AGAP3: variants seen among roughly 807,000 people sequenced by gnomAD.
AGAP3 encodes the protein arf-GAP with GTPase, ANK repeat and PH domain-containing protein 3.
In AGAP3, 24 loss-of-function variants were observed where a neutral mutation model predicts 96.9. The observed-to-expected ratio is 0.25, with a 90% CI of 0.18 to 0.35. The LOEUF is 0.35. Among genes scored for constraint, AGAP3 ranks in the 10% least tolerant of loss-of-function variants. The pLI is 1.00. For missense variants in AGAP3, 876 were observed against 1,254.2 expected (o/e 0.70, Z 4.55); for synonymous variants, 563 against 536.1 (o/e 1.05, Z -0.69).
chr7:151,139,726 T>C lies in AGAP3; in HGVS notation c.1667-253T>C. On this transcript the variant is annotated intron_variant, in intron 12 of 17. Transcript: ENST00000397238. The surrounding 1 kb of genome is among the most constrained non-coding windows in gnomAD (Gnocchi z 4.9). The stretch of plus-strand genomic sequence containing the variant: ...ACCCCTCCAGGCTGCAGAGGCAGCT[T>C]CCTCCCTTTGCCTCCATCCTGCTCT... 3.0e-6 allele frequency: 1 copy of C among 332,488 alleles called. No homozygotes were observed. Among genetic ancestry groups the C allele is most frequent in the Non-Finnish European group, 5.4e-6 (1 of 184,342 alleles). The allele number at this position is 332,488 out of a possible 1,614,324, so 20.6% of individuals were successfully genotyped here.
chr7:151,121,526 A>G (rs554092887), intron 8 of AGAP3, among the ~76,000 whole-genome samples: 2 of 152,054 alleles, frequency 1.3e-5, no homozygotes, highest in Non-Finnish European at 2.9e-5. Flanking sequence ...GCTCTGTAGC[A>G]ACCCCAGGGC....
At chr7:151,126,924 C>A (rs913992622) in intron 9 of AGAP3, among the ~76,000 whole-genome samples, 3 of 152,246 alleles carry the variant, frequency 2.0e-5, no homozygotes, top group Non-Finnish European at 4.4e-5. Context: ...CAACTCCCAG[C>A]CCGCATGCTC....
chr7:151,101,287 G>T (rs1230508260), intron 1 of AGAP3, among the ~76,000 whole-genome samples: 1 of 152,236 alleles, frequency 6.6e-6, no homozygotes, highest in Non-Finnish European at 1.5e-5. Flanking sequence ...GAAGCAGCTT[G>T]CAGGGACCCG....
chr7:151,106,908 C>CG (rs1230763815), intron 1 of AGAP3, among the ~76,000 whole-genome samples: 1 of 152,188 alleles, frequency 6.6e-6, no homozygotes, highest in Non-Finnish European at 1.5e-5. Flanking sequence ...GCAGCACCTT[C>CG]GCACGTCTGC....
At chr7:151,126,404 T>C (rs1438649598) in intron 9 of AGAP3, among the ~76,000 whole-genome samples, 1 of 140,838 alleles carries the variant, frequency 7.1e-6, no homozygotes, top group Non-Finnish European at 1.5e-5. Context: ...CCGTGGAGTC[T>C]CCTGCTGAAG....
rs1300617844 is a variant in AGAP3 at position 151,143,171 on chromosome 7, G to A, written c.2274-170G>A. Reference sequence around the variant, plus strand: ...TCCATTACCCACTGCCCCTCTGTGTGCCTGGAGTTTCCAAGGCTTCTCTCC... The same window carrying A: ...TCCATTACCCACTGCCCCTCTGTGTACCTGGAGTTTCCAAGGCTTCTCTCC... On this transcript the variant is annotated intron_variant, in intron 16 of 17. Coordinates refer to ENST00000397238, the MANE Select transcript of AGAP3 (RefSeq NM_031946.7). The surrounding 1 kb of genome is among the most constrained non-coding windows in gnomAD (Gnocchi z 5.9). 2.0e-5 allele frequency among the ~76,000 whole-genome samples: 3 copies of A among 152,016 alleles called. No homozygotes were observed. Among genetic ancestry groups the A allele is most frequent in the Non-Finnish European group, 2.9e-5 (2 of 68,010 alleles).
At chr7:151,116,523 G>T in intron 1 of AGAP3, 1 of 525,524 alleles carries the variant, frequency 1.9e-6, no homozygotes, top group Non-Finnish European at 3.4e-6. Context: ...GGAGCAGGAA[G>T]AGGAGGAAGG....
At chr7:151,123,738 G>A (rs952086040) in intron 8 of AGAP3, 56 bp from the exon 9 acceptor site, 25 of 1,597,654 alleles carry the variant, frequency 1.6e-5, no homozygotes, top group Non-Finnish European at 2.1e-5. Flanking sequence ...AGTCCAGGTG[G>A]GCAGCTCTCG....
At chr7:151,123,389 CTG>C (rs1481870445) in intron 8 of AGAP3, 2 of 1,073,806 alleles carry the variant, frequency 1.9e-6, no homozygotes, top group East Asian at 1.5e-4. Context: ...CGTGTGGTGT[CTG>C]TGCCGCAGAC....
intron 1 of AGAP3, chr7:151,115,481 C>T (rs1308817498): frequency 1.3e-5 from 13 of 1,016,022 alleles, no homozygotes; most frequent in Non-Finnish European, 1.5e-5. Context: ...TGCTGGGCTC[C>T]GACGCCCCGC....
chr7:151,094,697 TAAA>T (rs1464814561), intron 1 of AGAP3, among the ~76,000 whole-genome samples: 1 of 152,174 alleles, frequency 6.6e-6, no homozygotes, highest in African/African-American at 2.4e-5. Context: ...TTTCTTTTTG[TAAA>T]AATGGGGTCT....
Position 151,139,950 on chromosome 7 carries a change from CCA to C in AGAP3, c.1667-25_1667-24del. 1 of 1,496,522 alleles carries C rather than the reference CCA, an allele frequency of 6.7e-7. No homozygotes were observed. Among genetic ancestry groups the C allele is most frequent in the Non-Finnish European group, 8.9e-7 (1 of 1,120,210 alleles). 92.7% of individuals were successfully genotyped at this position (1,496,522 alleles called of 1,614,324 possible). ...CTCCCCTCCTCTGCCTCCCTTCTTC[CCA>C]CACTTCTCCAACTCTCCCCTCACCA... is the stretch of plus-strand genomic sequence containing the variant. On this transcript the variant is annotated intron_variant, in intron 12 of 17. Transcript: ENST00000397238. The surrounding 1 kb of genome is among the most constrained non-coding windows in gnomAD (Gnocchi z 4.9).
intron 1 of AGAP3, among the ~76,000 whole-genome samples, chr7:151,116,156 C>A (rs1005520822): frequency 1.3e-5 from 2 of 152,156 alleles, no homozygotes; most frequent in African/African-American, 4.8e-5. Context: ...AAGGGACTTG[C>A]CAGTCAGGTT....
Position 151,120,108 on chromosome 7 carries a change from T to C in AGAP3, c.1091T>C (p.Ile364Thr), listed in dbSNP as rs1799804954. The change falls in exon 8 of 18, where the codon ATC becomes ACC. Residue 364 changes from isoleucine to threonine, a missense_variant. Physicochemically the swap from Ile to Thr is moderately conservative, Grantham distance 89. Transcript: ENST00000397238. Reference protein sequence around the residue: ...TIAASSTPTPIRKQSKRRSNI... With the variant: ...TIAASSTPTPTRKQSKRRSNI... The stretch of plus-strand genomic sequence containing the variant: ...GCTGCCTCCTCCACCCCCACACCCA[T>C]CCGAAAGCAGTCCAAGCGGCGCTCC... 1 of 1,612,468 alleles carries C rather than the reference T, an allele frequency of 6.2e-7. No homozygotes were observed. The highest frequency in any genetic ancestry group is 8.5e-7 in the Non-Finnish European group (1 of 1,179,390).
At chr7:151,098,273 T>G (rs886636947) in intron 1 of AGAP3, among the ~76,000 whole-genome samples, 1 of 152,126 alleles carries the variant, frequency 6.6e-6, no homozygotes, top group African/African-American at 2.4e-5. Flanking sequence ...GCAGGAGAAT[T>G]GCTTGAACCT....
At chr7:151,122,442 A>G (rs1261362938) in intron 8 of AGAP3, among the ~76,000 whole-genome samples, 4 of 152,176 alleles carry the variant, frequency 2.6e-5, no homozygotes, top group Non-Finnish European at 5.9e-5. Context: ...CGAGTGGCGA[A>G]CATACCATTC....
chr7:151,109,724 A>G (rs554260181), intron 1 of AGAP3, among the ~76,000 whole-genome samples: 23 of 152,160 alleles, frequency 1.5e-4, no homozygotes, highest in African/African-American at 5.5e-4. Flanking sequence ...TAGAGGGGAG[A>G]TGGAGGGACC....
At chr7:151,098,720 T>A (rs1312151182) in intron 1 of AGAP3, among the ~76,000 whole-genome samples, 1 of 148,746 alleles carries the variant, frequency 6.7e-6, no homozygotes, top group Non-Finnish European at 1.5e-5. Flanking sequence ...CCTCTTTGAT[T>A]CAATTTTCTT....
chr7:151,122,807 C>G, intron 8 of AGAP3: 2 of 1,613,764 alleles, frequency 1.2e-6, no homozygotes, highest in African/African-American at 1.3e-5. Flanking sequence ...TGGTGACACA[C>G]AGCACCTCTG....
Sources: allele counts gnomAD v4.1 joint callset (sites outside exome capture counted in the v4.1 genomes callset), GRCh38; gene constraint gnomAD v4.1.1; non-coding constraint Gnocchi (gnomAD v3.1); transcripts MANE v1.5; gene names NCBI Gene and HGNC (gene_info 2026-07-23, HGNC 2026-07-21).